The following CD207 variants were observed in gnomAD, a reference collection of about 807,000 sequenced individuals.
CD207 encodes the protein CD207 molecule, also known as C-type lectin domain family 4 member K.
A neutral mutation model predicts 31.6 loss-of-function variants in CD207; 28 were observed. That is an observed-to-expected ratio of 0.89 (90% CI 0.66 to 1.21). The LOEUF (loss-of-function observed/expected upper bound fraction) is 1.21, where lower values mean the gene tolerates loss of function less well. CD207 is among the 50% of genes most tolerant of loss of function. The probability of loss-of-function intolerance (pLI) is 0.00; values close to 1 mark genes in which losing one functional copy is unlikely to be tolerated. For missense variants in CD207, 388 were observed against 397.8 expected (o/e 0.98, Z 0.21); for synonymous variants, 168 against 153.9 (o/e 1.09, Z -0.68).
At chr2:70,831,297 TCC>T in intron 5 of CD207, 97 bp from the exon 6 acceptor site, 1 of 1,231,418 alleles carries the variant, frequency 8.1e-7, no homozygotes, top group East Asian at 2.4e-5. Context: ...CAAGCTTTTG[TCC>T]TAGGGAATGG....
chr2:70,824,385 TC>T, the CD207 span, among the ~76,000 whole-genome samples: 3 of 151,378 alleles, frequency 2.0e-5, no homozygotes, highest in Non-Finnish European at 4.4e-5. Flanking sequence ...AATGATCTTT[TC>T]AAAAAAAATT....
At chr2:70,835,338 G>A (rs1161288533) in intron 2 of CD207, among the ~76,000 whole-genome samples, 153 bp downstream of exon 2, 1 of 152,218 alleles carries the variant, frequency 6.6e-6, no homozygotes, top group East Asian at 1.9e-4. Flanking sequence ...GGGCAGCACA[G>A]CCTGTTACTG....
Position 70,833,844 on chromosome 2 carries a change from A to C in CD207, c.367T>G (p.Phe123Val). ...TCCACACTGGTTTTTAACTTCAGGAACTGAGAACGCACATAACCCAGGCTC... is the reference window on the plus strand; with the variant it reads ...TCCACACTGGTTTTTAACTTCAGGACCTGAGAACGCACATAACCCAGGCTC... ...NESLGYVRSQ[F>V]LKLKTSVEKA... Residue 123 changes from phenylalanine (F) to valine (V), a missense_variant, in exon 3 of 6, where the codon TTC becomes GTC. Phe to Val is a conservative substitution (Grantham distance 50). Coordinates refer to ENST00000410009, the MANE Select transcript of CD207 (RefSeq NM_015717.5). 1 of 1,614,018 alleles carries C rather than the reference A, an allele frequency of 6.2e-7. No individual in the cohort carries two copies. The highest frequency in any genetic ancestry group is 2.2e-5 in the East Asian group (1 of 44,882).
chr2:70,832,220 T>C (rs1318574932), intron 4 of CD207, among the ~76,000 whole-genome samples: 1 of 152,194 alleles, frequency 6.6e-6, no homozygotes, highest in Non-Finnish European at 1.5e-5. Flanking sequence ...GCAGGTGCCA[T>C]CACCATGCAT....
Position 70,833,735 on chromosome 2 carries a change from C to A in CD207, c.476G>T (p.Ser159Ile). 6.2e-7 allele frequency: 1 copy of A among 1,614,054 alleles called. No individual in the cohort carries two copies. Among genetic ancestry groups the A allele is most frequent in the Non-Finnish European group, 8.5e-7 (1 of 1,179,904 alleles). Residue 159 changes from serine to isoleucine, a missense_variant, in exon 3 of 6, where the codon AGT becomes ATT. Ser to Ile is a moderately radical substitution (Grantham distance 142). Coordinates refer to ENST00000410009, the MANE Select transcript of CD207 (RefSeq NM_015717.5). Reference protein sequence around the residue: ...TLNAQIPELKSDLEKASALNT... With the variant: ...TLNAQIPELKIDLEKASALNT... ...TAAAGCACTGGCTTTCTCCAAATCACTTTTTAACTCTGGGATTTGGGCATT... is the reference window on the plus strand; with the variant it reads ...TAAAGCACTGGCTTTCTCCAAATCAATTTTTAACTCTGGGATTTGGGCATT...
the CD207 span, among the ~76,000 whole-genome samples, chr2:70,824,721 C>T: frequency 6.8e-6 from 1 of 148,046 alleles, no homozygotes; most frequent in Non-Finnish European, 1.5e-5. Flanking sequence ...GCAATTTGAG[C>T]AAAAACAAAA....
downstream of CD207, among the ~76,000 whole-genome samples, chr2:70,826,209 C>T (rs1433746467): frequency 6.6e-6 from 1 of 151,994 alleles, no homozygotes; most frequent in African/African-American, 2.4e-5. Flanking sequence ...AGACCAGAGT[C>T]AAGCTTTAGA....
At chr2:70,832,551 C>T (rs1226854748) in intron 4 of CD207, among the ~76,000 whole-genome samples, 1 of 152,238 alleles carries the variant, frequency 6.6e-6, no homozygotes, top group African/African-American at 2.4e-5. Flanking sequence ...AGGAGTACTG[C>T]ATAACTTACT....
intron 5 of CD207, 46 bp downstream of exon 5, chr2:70,831,655 A>G: frequency 1.7e-6 from 2 of 1,176,736 alleles, no homozygotes; most frequent in Non-Finnish European, 2.6e-6. Context: ...TGCCCTGGCC[A>G]TGGCCGGGGA....
the CD207 span, among the ~76,000 whole-genome samples, chr2:70,824,502 C>G: frequency 1.3e-5 from 2 of 150,942 alleles, no homozygotes; most frequent in Non-Finnish European, 3.0e-5. Flanking sequence ...ACACCATTCT[C>G]CAAAAAAAGG....
intron 5 of CD207, 139 bp from the exon 6 acceptor site, chr2:70,831,339 A>T (rs1677466753): frequency 2.3e-6 from 2 of 851,158 alleles, no homozygotes. Flanking sequence ...CAAGCCTCAG[A>T]GGAAGGGGAC....
downstream of CD207, among the ~76,000 whole-genome samples, chr2:70,829,496 A>G (rs1553399326): frequency 2.0e-5 from 3 of 152,202 alleles, no homozygotes; most frequent in African/African-American, 7.2e-5. Context: ...ATAGTTTCTC[A>G]GGCTGGCAGA....
chr2:70,830,836 C>G lies in CD207; in HGVS notation c.*214G>C. 3.9e-6 allele frequency: 2 copies of G among 517,464 alleles called. No homozygotes were observed. The allele number at this position is 517,464 out of a possible 1,614,324, so 32.1% of individuals were successfully genotyped here. ...AAATCCTCTCTACCCACCCCTCCCACTTTAACCTGAATTCTCCTTTCCATT... is the reference window on the plus strand; with the variant it reads ...AAATCCTCTCTACCCACCCCTCCCAGTTTAACCTGAATTCTCCTTTCCATT... On this transcript the variant is annotated 3_prime_UTR_variant, in exon 6 of 6. Transcript: ENST00000410009.
chr2:70,833,832 T>C lies in CD207; in HGVS notation c.379A>G (p.Lys127Glu). 7.4e-6 allele frequency: 12 copies of C among 1,614,020 alleles called. No individual in the cohort carries two copies. Among genetic ancestry groups the C allele is most frequent in the Non-Finnish European group, 1.0e-5 (12 of 1,179,886 alleles). ...GYVRSQFLKLKTSVEKANAQI... is the reference protein window; with the variant it reads ...GYVRSQFLKLETSVEKANAQI... ...GCGTTGGCCTTCTCCACACTGGTTT[T>C]TAACTTCAGGAACTGAGAACGCACA... The change falls in exon 3 of 6, where the codon AAA (lysine) becomes GAA (glutamate). Residue 127 changes from lysine (K) to glutamate (E), a missense_variant. Physicochemically the swap from Lys to Glu is moderately conservative, Grantham distance 56. Transcript: ENST00000410009.
chr2:70,829,400 G>A (rs1163631069), downstream of CD207, among the ~76,000 whole-genome samples: 2 of 152,258 alleles, frequency 1.3e-5, no homozygotes, highest in African/African-American at 4.8e-5. Context: ...GAGTGAACCA[G>A]CCAGGGCTGT....
At position 70,833,014 on chromosome 2, in the gene CD207, G is replaced by C; in HGVS notation, c.603C>G (p.Tyr201Ter). ...AAAAGTAATAGAAGTTCCCCTTGAA[G>C]TACTTCCAGCCTTGAGAAACCACCT... ...ILQVVSQGWK[Y>*]FKGNFYYFSL... is the part of the protein sequence containing the mutation. Residue 201 changes from tyrosine (Y) to a stop codon, truncating the protein, a stop_gained, in exon 4 of 6, where the codon TAC (tyrosine) becomes TAG (stop). Coordinates refer to ENST00000410009, the MANE Select transcript of CD207 (RefSeq NM_015717.5). LOFTEE classifies it high-confidence loss of function. 6.2e-7 allele frequency: 1 copy of C among 1,613,924 alleles called. No individual in the cohort carries two copies. Among genetic ancestry groups the C allele is most frequent in the Non-Finnish European group, 8.5e-7 (1 of 1,179,816 alleles).
chr2:70,832,748 C>A (rs115972324), intron 4 of CD207, among the ~76,000 whole-genome samples, 152 bp downstream of exon 4: 1 of 152,136 alleles, frequency 6.6e-6, no homozygotes, highest in South Asian at 2.1e-4. Flanking sequence ...GCCCCCTTGC[C>A]GGCCCTTATT....
chr2:70,835,453 G>C, intron 2 of CD207, 38 bp downstream of exon 2: 1 of 1,471,820 alleles, frequency 6.8e-7, no homozygotes, highest in Non-Finnish European at 9.5e-7. Context: ...TGGCCACAGA[G>C]AGGGGCTAAG....
Position 70,831,131 on chromosome 2 carries a change from T to A in CD207, c.906A>T (p.Ser302=). The A allele has an allele frequency of 1.2e-6, 2 of 1,613,768 alleles. No individual in the cohort carries two copies. The highest frequency in any genetic ancestry group is 1.7e-6 in the Non-Finnish European group (2 of 1,179,762). ...NEHCGNIKAP[S]LQAWNDAPCD... ...ATGGGGCATCATTCCAGGCCTGAAGTGAGGGAGCCTTTATATTGCCACAGT... is the reference window on the plus strand; with the variant it reads ...ATGGGGCATCATTCCAGGCCTGAAGAGAGGGAGCCTTTATATTGCCACAGT... Residue 302 remains serine, a synonymous_variant, in exon 6 of 6, where the codon TCA becomes TCT. Transcript: ENST00000410009.
Sources: gnomAD v4.1 joint callset for allele counts (sites outside exome capture counted in the v4.1 genomes callset) on GRCh38, gnomAD v4.1.1 for gene constraint, MANE v1.5 for transcripts, NCBI Gene and HGNC (gene_info 2026-07-23, HGNC 2026-07-21) for gene names.